Variants in INSR observed in about 807,000 individuals in gnomAD.
INSR encodes IR.
INSR carries 67 observed loss-of-function variants against 142.6 expected under a neutral mutation model. The observed-to-expected ratio is 0.47, with a 90% CI of 0.39 to 0.58. The LOEUF (loss-of-function observed/expected upper bound fraction) is 0.58. Ranked by LOEUF, INSR falls within the 20% of genes least tolerant of loss-of-function variation. The pLI is 0.00. For missense variants in INSR, 1,248 were observed against 1,833.2 expected (o/e 0.68, Z 5.83); for synonymous variants, 756 against 743.1 (o/e 1.02, Z -0.28).
At chr19:7,201,815 C>T (rs1415726340) in intron 2 of INSR, among the ~76,000 whole-genome samples, 1 of 129,614 alleles carries the variant, frequency 7.7e-6, no homozygotes, top group Non-Finnish European at 1.7e-5. Flanking sequence ...GGCGCGGCCA[C>T]CACGCCTAGC....
At chr19:7,228,657 A>T (rs1975858864) in intron 2 of INSR, among the ~76,000 whole-genome samples, 1 of 152,262 alleles carries the variant, frequency 6.6e-6, no homozygotes, top group Admixed American at 6.5e-5. Flanking sequence ...GGAAAATTGA[A>T]GGGAATCAAT....
rs549610118 is a variant in INSR at position 7,168,203 on chromosome 19, G to A, written c.1484-109C>T. On this transcript the variant is annotated intron_variant, in intron 6 of 21. Coordinates refer to ENST00000302850, the MANE Select transcript of INSR (RefSeq NM_000208.4). This position sits in a 1 kb window ranked among gnomAD's most constrained non-coding sequence, Gnocchi z 4.3. ...GGGACCGTGAGAAGGCAGAGGTGAC[G>A]CTGCTATTCCCTTAAGGGTCTCCTC... is the stretch of plus-strand genomic sequence containing the variant. 3 of 1,076,270 alleles carry A rather than the reference G, an allele frequency of 2.8e-6. No individual in the cohort carries two copies. The highest frequency in any genetic ancestry group is 2.0e-4 in the Middle Eastern group (1 of 4,930). The allele number at this position is 1,076,270 out of a possible 1,614,324, so 66.7% of individuals were successfully genotyped here.
intron 2 of INSR, among the ~76,000 whole-genome samples, chr19:7,257,944 T>C (rs1164982312): frequency 6.6e-6 from 1 of 152,202 alleles, no homozygotes; most frequent in Non-Finnish European, 1.5e-5. Flanking sequence ...TGCCTCAGCC[T>C]CCTGAGTAGC....
Position 7,166,458 on chromosome 19 carries a change from G to A in INSR, c.1611-54C>T, listed in dbSNP as rs1413429069. On this transcript the variant is annotated intron_variant, in intron 7 of 21. Transcript: ENST00000302850. This position sits in a 1 kb window ranked among gnomAD's most constrained non-coding sequence, Gnocchi z 4.1. ...TACCCTTACAAGACCGTCACACTGA[G>A]TGCCGTGCAGATGAGGCCTGGGAAG... 2 of 1,598,418 alleles carry A rather than the reference G, an allele frequency of 1.3e-6. No homozygotes were observed. Among genetic ancestry groups the A allele is most frequent in the Non-Finnish European group, 1.7e-6 (2 of 1,172,888 alleles).
At chr19:7,266,859 A>C (rs1967747943) in intron 2 of INSR, among the ~76,000 whole-genome samples, 1 of 152,140 alleles carries the variant, frequency 6.6e-6, no homozygotes, top group African/African-American at 2.4e-5. Context: ...TCTTTTTCCA[A>C]ATGTCTATTA....
chr19:7,120,515 A>T, intron 20 of INSR, 105 bp downstream of exon 20: 1 of 1,381,166 alleles, frequency 7.2e-7, no homozygotes, highest in Non-Finnish European at 1.0e-6. Flanking sequence ...CCTTTCCTTG[A>T]TGGGGCGTCC....
intron 9 of INSR, among the ~76,000 whole-genome samples, chr19:7,160,126 C>T (rs1485218802): frequency 2.0e-5 from 3 of 151,636 alleles, no homozygotes; most frequent in African/African-American, 7.3e-5. Flanking sequence ...TATCAAGATC[C>T]CCACCTCTAA....
Position 7,180,529 on chromosome 19 carries a change from C to CAAAGAAAAAA in INSR, c.974+3786_974+3787insTTTTTTCTTT, listed in dbSNP as rs1389502002. ...TGGGTGACAGACCAAGACCTTGTCT[C>CAAAGAAAAAA]AAAAAAAAAAAAAAAAGACAAAAAT... On this transcript the variant is annotated intron_variant, in intron 3 of 21. Transcript: ENST00000302850. 1.8e-3 allele frequency among the ~76,000 whole-genome samples: 168 copies of CAAAGAAAAAA among 91,908 alleles called. 1 individual carries two copies. The highest frequency in any genetic ancestry group is 7.1e-3 in the African/African-American group (160 of 22,520). The allele number at this position is 91,908 out of a possible 152,430, so 60.3% of individuals were successfully genotyped here.
At chr19:7,289,428 CAG>C (rs1265465996) in intron 1 of INSR, among the ~76,000 whole-genome samples, 2 of 134,942 alleles carry the variant, frequency 1.5e-5, no homozygotes, top group African/African-American at 5.4e-5. Flanking sequence ...TTTTTTGAGA[CAG>C]AGTCTCTCTC....
Position 7,174,734 on chromosome 19 carries a change from A to G in INSR, c.975-3T>C, listed in dbSNP as rs377686128. On this transcript the variant is annotated splice_polypyrimidine_tract_variant and splice_region_variant and intron_variant, in intron 3 of 21. Coordinates refer to ENST00000302850, the MANE Select transcript of INSR (RefSeq NM_000208.4). ...CCAGGCATGGGGTGCACAGCAAGCT[A>G]AGGACGGAGCAGAGAGAGAGAGAAA... 5 of 1,613,454 alleles carry G rather than the reference A, an allele frequency of 3.1e-6. No homozygotes were observed. The highest frequency in any genetic ancestry group is 4.2e-6 in the Non-Finnish European group (5 of 1,179,824).
intron 2 of INSR, among the ~76,000 whole-genome samples, chr19:7,208,260 A>G (rs1975171762): frequency 6.6e-6 from 1 of 152,122 alleles, no homozygotes; most frequent in African/African-American, 2.4e-5. Context: ...TCCCACTTTG[A>G]AATCTAAAGA....
chr19:7,174,441 C>T lies in INSR; in HGVS notation c.1123+142G>A. The stretch of plus-strand genomic sequence containing the variant: ...AGGCAGACTCCCAGCATGGTTCTAT[C>T]CATGGGGGAGCCACTGAACGACCAT... On this transcript the variant is annotated intron_variant, in intron 4 of 21. Transcript: ENST00000302850. 4 of 885,024 alleles carry T rather than the reference C, an allele frequency of 4.5e-6. No individual in the cohort carries two copies. In the South Asian group the frequency reaches 5.4e-5, roughly 12 times the overall value. 54.8% of individuals were successfully genotyped at this position (885,024 alleles called of 1,614,324 possible). A position where few individuals can be genotyped will look rare whatever the true frequency, so the allele number is the denominator to read the frequency against.
intron 1 of INSR, among the ~76,000 whole-genome samples, chr19:7,292,915 A>T (rs1968535077): frequency 6.6e-6 from 1 of 152,160 alleles, no homozygotes; most frequent in South Asian, 2.1e-4. Flanking sequence ...AGGAGACAGC[A>T]GACAAGGGAC....
chr19:7,125,611 C>A lies in INSR; in HGVS notation c.3014-84G>T, dbSNP rs796684298. 86 of 1,575,606 alleles carry A rather than the reference C, an allele frequency of 5.5e-5. No individual in the cohort carries two copies. The African/African-American group carries it at 1.1e-3, about 20-fold the overall frequency. ...CTTCCACCCAAGCCCTCACCCAAAC[C>A]CCCTCGAAAACACTCATGAAATGAG... On this transcript the variant is annotated intron_variant, in intron 16 of 21. Coordinates refer to ENST00000302850, the MANE Select transcript of INSR (RefSeq NM_000208.4). This position sits in a 1 kb window ranked among gnomAD's most constrained non-coding sequence, Gnocchi z 4.9.
intron 13 of INSR, among the ~76,000 whole-genome samples, chr19:7,137,893 A>T (rs1326280065): frequency 7.0e-6 from 1 of 143,758 alleles, no homozygotes; most frequent in African/African-American, 2.5e-5. Context: ...CAACTCTGGG[A>T]GCTAAGAAGC....
chr19:7,249,248 G>A (rs8103092), intron 2 of INSR, among the ~76,000 whole-genome samples: 107,976 of 152,004 alleles, frequency 0.71, 39,840 homozygotes, highest in South Asian at 0.83. Flanking sequence ...CTGTGATGAC[G>A]TCTTCTGCCC....
chr19:7,260,880 CTT>C (rs10628444), intron 2 of INSR, among the ~76,000 whole-genome samples: 8 of 144,422 alleles, frequency 5.5e-5, no homozygotes, highest in Admixed American at 1.4e-4. Context: ...CAAAGAACTT[CTT>C]TTTTTTTTTT....
At chr19:7,161,191 T>G (rs1415459595) in intron 9 of INSR, among the ~76,000 whole-genome samples, 1 of 149,946 alleles carries the variant, frequency 6.7e-6, no homozygotes, top group Non-Finnish European at 1.5e-5. Context: ...TATTTATAAT[T>G]TTTATACAAT....
At chr19:7,198,936 T>G (rs1599997415) in intron 2 of INSR, among the ~76,000 whole-genome samples, 1 of 151,378 alleles carries the variant, frequency 6.6e-6, no homozygotes, top group African/African-American at 2.4e-5. Context: ...CAGGCTGGAG[T>G]GCAGTGGTGT....
Sources: allele counts gnomAD v4.1 joint callset (sites outside exome capture counted in the v4.1 genomes callset), GRCh38; gene constraint gnomAD v4.1.1; non-coding constraint Gnocchi (gnomAD v3.1); transcripts MANE v1.5; gene names NCBI Gene and HGNC (gene_info 2026-07-23, HGNC 2026-07-21).